Variants in CTH observed in about 807,000 individuals in gnomAD.
The protein encoded by CTH is cystathionase (cystathionine gamma-lyase).
A neutral mutation model predicts 50.6 loss-of-function variants in CTH; 41 were observed. The ratio of observed to expected loss-of-function variants is 0.81; its 90% CI spans 0.63 to 1.05. The LOEUF is 1.05. Among genes scored for constraint, CTH ranks in the 50% least tolerant of loss-of-function variants. CTH has a pLI of 0.00. For missense variants in CTH, 470 were observed against 492.6 expected (o/e 0.95, Z 0.43); for synonymous variants, 156 against 168.9 (o/e 0.92, Z 0.59).
At position 70,411,371 on chromosome 1, in the gene CTH, A is replaced by C. The variant is rs772711446; in HGVS notation, c.-45A>C. 4.4e-6 allele frequency: 7 copies of C among 1,609,182 alleles called. No individual in the cohort carries two copies. The highest frequency in any genetic ancestry group is 6.0e-6 in the Non-Finnish European group (7 of 1,175,728). On this transcript the variant is annotated 5_prime_UTR_variant, in exon 1 of 12. Transcript: ENST00000370938. The stretch of plus-strand genomic sequence containing the variant: ...CCCGGACACCCGGCTTCGACTGGTT[A>C]TATCTTCGGTGTTCTTTTCCTCTCT...
At chr1:70,430,627 C>T (rs892505389) in intron 7 of CTH, among the ~76,000 whole-genome samples, 1 of 151,672 alleles carries the variant, frequency 6.6e-6, no homozygotes, top group South Asian at 2.1e-4. Context: ...CTGCAACCTC[C>T]ACCTCCTGGG....
chr1:70,421,674 A>T lies in CTH; in HGVS notation c.455A>T (p.Lys152Met). Residue 152 changes from lysine to methionine, a missense_variant and splice_region_variant, in exon 4 of 12, where the codon AAG becomes ATG. Transcript: ENST00000370938. ...GAGGCAGCAATTACACCAGAAACCA[A>T]GGTAACTCAGCTCATTTTCAGTTTT... ...LLEAAITPETKLVWIETPTNP... is the reference protein window; with the variant it reads ...LLEAAITPETMLVWIETPTNP... 1 of 1,613,848 alleles carries T rather than the reference A, an allele frequency of 6.2e-7. No homozygotes were observed. The highest frequency in any genetic ancestry group is 8.5e-7 in the Non-Finnish European group (1 of 1,179,830).
intron 1 of CTH, among the ~76,000 whole-genome samples, chr1:70,414,841 A>G (rs1684054326): frequency 6.6e-6 from 1 of 151,618 alleles, no homozygotes; most frequent in African/African-American, 2.4e-5. Context: ...TTTTCCCGAG[A>G]CAGAGTCTCG....
At chr1:70,429,148 C>T (rs1684410880) in intron 5 of CTH, among the ~76,000 whole-genome samples, 1 of 152,162 alleles carries the variant, frequency 6.6e-6, no homozygotes, top group African/African-American at 2.4e-5. Context: ...GGTTGTTACA[C>T]TATATTGTTT....
At chr1:70,432,294 C>G in intron 8 of CTH, 59 bp downstream of exon 8, 1 of 1,585,294 alleles carries the variant, frequency 6.3e-7, no homozygotes, top group Non-Finnish European at 8.7e-7. Flanking sequence ...TCCTGAGCAT[C>G]GTGTTTATGT....
chr1:70,421,718 G>GTT, intron 4 of CTH, 43 bp downstream of exon 4: 1 of 1,583,598 alleles, frequency 6.3e-7, no homozygotes, highest in Non-Finnish European at 8.7e-7. Flanking sequence ...TTCCTTCGAT[G>GTT]TTTTGTTTTC....
chr1:70,435,278 C>T (rs1467187775), intron 10 of CTH, 101 bp downstream of exon 10: 8 of 1,096,478 alleles, frequency 7.3e-6, no homozygotes, highest in Non-Finnish European at 1.1e-5. Flanking sequence ...AGATATTTAA[C>T]AATAAGAATA....
chr1:70,433,632 C>G (rs1158982410), intron 8 of CTH, among the ~76,000 whole-genome samples, 196 bp from the exon 9 acceptor site: 2 of 152,080 alleles, frequency 1.3e-5, no homozygotes, highest in Admixed American at 1.3e-4. Flanking sequence ...ATAAAGAAAG[C>G]TGAAGAGGGT....
chr1:70,421,803 A>T (rs1453539713), intron 4 of CTH, 128 bp downstream of exon 4: 1 of 933,202 alleles, frequency 1.1e-6, no homozygotes, highest in Non-Finnish European at 1.7e-6. Context: ...AAACATCAAC[A>T]AAATTAAGAT....
At chr1:70,412,937 A>G (rs1684001419) in intron 1 of CTH, among the ~76,000 whole-genome samples, 1 of 152,238 alleles carries the variant, frequency 6.6e-6, no homozygotes, top group Non-Finnish European at 1.5e-5. Context: ...ACAGAGTCAT[A>G]CATGAATGAT....
intron 5 of CTH, among the ~76,000 whole-genome samples, chr1:70,427,775 C>T (rs1043274657): frequency 8.5e-5 from 13 of 152,128 alleles, no homozygotes; most frequent in East Asian, 1.9e-4. Flanking sequence ...TGCAGTGGCG[C>T]GATCTCAGCT....
Position 70,424,528 on chromosome 1 carries a change from ATAAT to A in CTH, c.588+119_588+122del, listed in dbSNP as rs760636860. 75 of 1,539,850 alleles carry A rather than the reference ATAAT, an allele frequency of 4.9e-5. No homozygotes were observed. The Middle Eastern group carries it at 5.3e-4, about 11-fold the overall frequency. On this transcript the variant is annotated intron_variant, in intron 5 of 11. Coordinates refer to ENST00000370938, the MANE Select transcript of CTH (RefSeq NM_001902.6). The stretch of plus-strand genomic sequence containing the variant: ...ATGATCAAATTCATGAAATCTAATC[ATAAT>A]TAATTATTTACTGGATCGAGAATTA...
chr1:70,438,128 G>A lies in CTH; in HGVS notation c.1053-560G>A, dbSNP rs549148677. Among the ~76,000 whole-genome samples, 14 of 152,200 alleles carry A rather than the reference G, an allele frequency of 9.2e-5. No homozygotes were observed. The South Asian group carries it at 1.7e-3, about 18-fold the overall frequency. ...GATGATGGTAATGGGCTGCTAGATC[G>A]TTTGAAAAATCCTTCCAGGCCTCTA... is the stretch of plus-strand genomic sequence containing the variant. On this transcript the variant is annotated intron_variant, in intron 10 of 11. Transcript: ENST00000370938.
chr1:70,429,827 T>C lies in CTH; in HGVS notation c.622T>C (p.Tyr208His), dbSNP rs180856886. ...GGCTCTGGGAGCTGATATTTCTATG[T>C]ATTCTGCAACAAAATACATGAATGG... ...PLALGADISMYSATKYMNGHS... is the reference protein window; with the variant it reads ...PLALGADISMHSATKYMNGHS... The change falls in exon 6 of 12, where the codon TAT becomes CAT. Residue 208 changes from tyrosine (Y) to histidine (H), a missense_variant. By Grantham distance (83) the Tyr-to-His change is moderately conservative. Transcript: ENST00000370938. The C allele has an allele frequency of 6.2e-7, 1 of 1,613,278 alleles. No homozygotes were observed. Among genetic ancestry groups the C allele is most frequent in the Non-Finnish European group, 8.5e-7 (1 of 1,179,328 alleles).
At chr1:70,423,038 C>T (rs1249500289) in intron 4 of CTH, among the ~76,000 whole-genome samples, 1 of 152,056 alleles carries the variant, frequency 6.6e-6, no homozygotes, top group Non-Finnish European at 1.5e-5. Context: ...AGGTTTTTCA[C>T]TTGAAGTAGA....
At chr1:70,434,298 A>G (rs1684547191) in intron 9 of CTH, among the ~76,000 whole-genome samples, 1 of 152,210 alleles carries the variant, frequency 6.6e-6, no homozygotes, top group African/African-American at 2.4e-5. Flanking sequence ...CCATCCTGTG[A>G]ATGGCTTTCC....
chr1:70,439,115 A>AAT lies in CTH; in HGVS notation c.1207_1208insTA (p.Ser403IlefsTer25), dbSNP rs1443445603. ...TGTTATTATAGCACCCTCCAAGTGGAAGTCACAGCTAGTATTCCAGAGCTG... is the reference window on the plus strand; with the variant it reads ...TGTTATTATAGCACCCTCCAAGTGGAATAGTCACAGCTAGTATTCCAGAGCTG... On this transcript the variant is annotated frameshift_variant, in exon 12 of 12. Coordinates refer to ENST00000370938, the MANE Select transcript of CTH (RefSeq NM_001902.6). LOFTEE classifies it high-confidence loss of function. 4 of 1,612,448 alleles carry AAT rather than the reference A, an allele frequency of 2.5e-6. No homozygotes were observed. The highest frequency in any genetic ancestry group is 1.7e-5 in the Admixed American group (1 of 60,000).
intron 11 of CTH, 117 bp downstream of exon 11, chr1:70,438,943 G>A: frequency 1.3e-6 from 2 of 1,595,902 alleles, no homozygotes; most frequent in South Asian, 1.1e-5. Context: ...AAGCTTTTCT[G>A]TTCCTGTAAT....
chr1:70,419,223 C>G (rs1572255677), intron 3 of CTH, among the ~76,000 whole-genome samples: 1 of 152,060 alleles, frequency 6.6e-6, no homozygotes, highest in African/African-American at 2.4e-5. Context: ...CAGTCTATCA[C>G]TGTTGGACAT....
Sources: gnomAD v4.1 joint callset for allele counts (sites outside exome capture counted in the v4.1 genomes callset) on GRCh38, gnomAD v4.1.1 for gene constraint, MANE v1.5 for transcripts, NCBI Gene and HGNC (gene_info 2026-07-23, HGNC 2026-07-21) for gene names.